The following AUTS2 variants were observed in gnomAD, a reference collection of about 807,000 sequenced individuals.
AUTS2 encodes the protein autism susceptibility gene 2 protein.
A neutral mutation model predicts 112.4 loss-of-function variants in AUTS2; 17 were observed. That is an observed-to-expected ratio of 0.15 (90% CI 0.10 to 0.23). AUTS2 has a LOEUF of 0.23. Ranked by LOEUF, AUTS2 falls within the 10% of genes least tolerant of loss-of-function variation. The pLI, the probability that AUTS2 is intolerant of heterozygous loss-of-function variation, is 1.00. For missense variants in AUTS2, 1,510 were observed against 1,701.6 expected, an observed-to-expected ratio of 0.89 and a Z score of 1.98; for synonymous variants, 751 against 702.7, an observed-to-expected ratio of 1.07 and a Z score of -1.09.
At chr7:69,790,063 T>C (rs1789547385) in intron 1 of AUTS2, among the ~76,000 whole-genome samples, 1 of 152,046 alleles carries the variant, frequency 6.6e-6, no homozygotes, top group Non-Finnish European at 1.5e-5. Flanking sequence ...GGAAGATTGC[T>C]TGAGCTCAGG....
intron 4 of AUTS2, among the ~76,000 whole-genome samples, chr7:70,428,151 GT>G (rs1321591096): frequency 1.3e-5 from 2 of 152,190 alleles, no homozygotes; most frequent in African/African-American, 4.8e-5. Context: ...TATGGTCTCA[GT>G]AAGAACATTT....
chr7:69,921,327 G>GTTTT (rs11289784), intron 2 of AUTS2, among the ~76,000 whole-genome samples: 2 of 90,404 alleles, frequency 2.2e-5, no homozygotes, highest in African/African-American at 4.2e-5. Flanking sequence ...TAGACTTGAA[G>GTTTT]TTTTTTTTTT....
intron 1 of AUTS2, among the ~76,000 whole-genome samples, chr7:69,867,463 C>T (rs930774947): frequency 6.6e-6 from 1 of 152,188 alleles, no homozygotes; most frequent in Non-Finnish European, 1.5e-5. Context: ...GCTCACGTTC[C>T]TGAACTGCAG....
chr7:70,251,359 G>A (rs985361209), intron 4 of AUTS2, among the ~76,000 whole-genome samples: 45 of 151,976 alleles, frequency 3.0e-4, no homozygotes, highest in Admixed American at 3.3e-4. Context: ...CACCACACCC[G>A]GCCAATATAA....
intron 2 of AUTS2, among the ~76,000 whole-genome samples, chr7:69,997,471 G>A (rs1480020948): frequency 2.0e-5 from 3 of 152,136 alleles, no homozygotes; most frequent in African/African-American, 7.2e-5. Flanking sequence ...GTCCATTTGT[G>A]TTCCTATAAA....
chr7:69,684,368 T>C (rs926082506), intron 1 of AUTS2, among the ~76,000 whole-genome samples: 1 of 152,204 alleles, frequency 6.6e-6, no homozygotes, highest in Non-Finnish European at 1.5e-5. Context: ...CTTGCTGCCC[T>C]GGTTCATGAG....
At chr7:70,011,337 C>T (rs1363937171) in intron 2 of AUTS2, among the ~76,000 whole-genome samples, 2 of 148,834 alleles carry the variant, frequency 1.3e-5, no homozygotes, top group Non-Finnish European at 3.0e-5. Flanking sequence ...CTCCTCTCCT[C>T]TCCTCTCCTC....
At chr7:69,722,569 C>T (rs1043453835) in intron 1 of AUTS2, among the ~76,000 whole-genome samples, 23 of 152,124 alleles carry the variant, frequency 1.5e-4, no homozygotes, top group African/African-American at 3.6e-4. Flanking sequence ...CTCCTGGGCT[C>T]GAGTGATCCG....
intron 1 of AUTS2, among the ~76,000 whole-genome samples, chr7:69,895,552 C>G (rs536856558): frequency 2.7e-5 from 4 of 147,082 alleles, no homozygotes; most frequent in Non-Finnish European, 1.5e-5. Context: ...TTCCCCCCCC[C>G]CGAGTGGAAA....
intron 4 of AUTS2, among the ~76,000 whole-genome samples, chr7:70,204,167 A>G (rs946164716): frequency 6.6e-6 from 1 of 152,164 alleles, no homozygotes; most frequent in African/African-American, 2.4e-5. Context: ...ATTTGTTGCC[A>G]TTTGAACAAG....
intron 5 of AUTS2, among the ~76,000 whole-genome samples, chr7:70,672,735 T>C (rs1284237360): frequency 3.3e-5 from 5 of 152,128 alleles, no homozygotes; most frequent in African/African-American, 1.2e-4. Context: ...CCCAAGTAGC[T>C]GGAACTACAG....
intron 4 of AUTS2, among the ~76,000 whole-genome samples, chr7:70,378,427 G>A (rs905962993): frequency 2.6e-5 from 4 of 152,150 alleles, no homozygotes; most frequent in African/African-American, 9.7e-5. Flanking sequence ...TCAGTTATTA[G>A]CTATGATGCA....
intron 5 of AUTS2, among the ~76,000 whole-genome samples, chr7:70,629,254 TGAGCTCAA>T (rs1279775242): frequency 6.6e-6 from 1 of 152,178 alleles, no homozygotes; most frequent in Non-Finnish European, 1.5e-5. Context: ...GAGGATCACC[TGAGCTCAA>T]GAGTTTGAGA....
chr7:70,188,675 C>T lies in AUTS2; in HGVS notation c.660+54104C>T, dbSNP rs192699741. Among the ~76,000 whole-genome samples, 667 of 152,290 alleles carry T rather than the reference C, an allele frequency of 4.4e-3. 2 individuals are homozygous for T. The highest frequency in any genetic ancestry group is 6.5e-3 in the Admixed American group (100 of 15,302). On this transcript the variant is annotated intron_variant, in intron 4 of 18. Coordinates refer to ENST00000342771, the MANE Select transcript of AUTS2 (RefSeq NM_015570.4). ...TCTTGAGAACTTTGTACGAGAGTCA[C>T]TCTTACCATCATCTAAATATAAGTG...
chr7:69,972,190 T>C (rs907102975), intron 2 of AUTS2, among the ~76,000 whole-genome samples: 6 of 152,210 alleles, frequency 3.9e-5, no homozygotes, highest in African/African-American at 1.4e-4. Flanking sequence ...GTTTCCCTAA[T>C]GGCTAATAAT....
At chr7:69,815,495 T>C (rs1161447696) in intron 1 of AUTS2, among the ~76,000 whole-genome samples, 1 of 152,186 alleles carries the variant, frequency 6.6e-6, no homozygotes, top group African/African-American at 2.4e-5. Flanking sequence ...TCTGTTGTTT[T>C]GCATCTTCTC....
At chr7:70,134,411 A>T in intron 3 of AUTS2, 125 bp from the exon 4 acceptor site, 1 of 753,872 alleles carries the variant, frequency 1.3e-6, no homozygotes, top group East Asian at 2.5e-5. Context: ...GACAAGGGGC[A>T]GCATACACTG....
At chr7:70,532,589 C>T (rs10224955) in intron 5 of AUTS2, among the ~76,000 whole-genome samples, 6,587 of 152,204 alleles carry the variant, frequency 0.043, 223 homozygotes, top group African/African-American at 0.094. Context: ...ATGAACTATT[C>T]CTGCATTCGC....
At chr7:70,226,134 A>G (rs1259481384) in intron 4 of AUTS2, among the ~76,000 whole-genome samples, 1 of 152,148 alleles carries the variant, frequency 6.6e-6, no homozygotes, top group Admixed American at 6.6e-5. Context: ...TGTTGCTTGT[A>G]TGATTATAAG....
Sources: allele counts gnomAD v4.1 joint callset (sites outside exome capture counted in the v4.1 genomes callset), GRCh38; gene constraint gnomAD v4.1.1; transcripts MANE v1.5; gene names NCBI Gene and HGNC (gene_info 2026-07-23, HGNC 2026-07-21).